TAFA1: variants seen among roughly 807,000 people sequenced by gnomAD.
The protein encoded by TAFA1 is chemokine-like protein TAFA-1.
In TAFA1, 4 loss-of-function variants were observed where a neutral mutation model predicts 18.5. The observed-to-expected ratio is 0.22, with a 90% CI of 0.11 to 0.49. TAFA1 has a LOEUF of 0.49. TAFA1 is among the 20% of genes least tolerant of loss of function. The pLI, the probability that TAFA1 is intolerant of heterozygous loss-of-function variation, is 0.98. For synonymous variants in TAFA1, 56 were observed against 55.2 expected (o/e 1.01, Z -0.06); for missense variants, 147 against 169.0 (o/e 0.87, Z 0.72).
chr3:68,293,270 T>C (rs977233786), intron 2 of TAFA1, among the ~76,000 whole-genome samples: 1 of 152,212 alleles, frequency 6.6e-6, no homozygotes, highest in Non-Finnish European at 1.5e-5. Flanking sequence ...CATTCACCCA[T>C]GGACCTCAGA....
chr3:68,122,627 A>T (rs1158991816), intron 2 of TAFA1, among the ~76,000 whole-genome samples: 1 of 152,200 alleles, frequency 6.6e-6, no homozygotes, highest in Non-Finnish European at 1.5e-5. Context: ...TAAACCTAAT[A>T]GTCTGTCATT....
chr3:68,261,338 C>A (rs372655829), intron 2 of TAFA1, among the ~76,000 whole-genome samples: 6 of 152,212 alleles, frequency 3.9e-5, no homozygotes, highest in Admixed American at 6.5e-5. Flanking sequence ...TAGTTCAACC[C>A]TTGTGGAAGT....
intron 2 of TAFA1, among the ~76,000 whole-genome samples, chr3:68,321,394 C>T (rs1257341824): frequency 6.6e-6 from 1 of 152,116 alleles, no homozygotes; most frequent in Non-Finnish European, 1.5e-5. Flanking sequence ...TGGCCATCTC[C>T]TCTGGGGTGT....
intron 3 of TAFA1, among the ~76,000 whole-genome samples, chr3:68,423,183 A>G (rs1029327652): frequency 6.6e-6 from 1 of 152,098 alleles, no homozygotes; most frequent in African/African-American, 2.4e-5. Context: ...TAATACCAGT[A>G]ATAATAATAA....
At chr3:68,093,373 A>C (rs922403543) in intron 2 of TAFA1, among the ~76,000 whole-genome samples, 1 of 152,108 alleles carries the variant, frequency 6.6e-6, no homozygotes, top group Non-Finnish European at 1.5e-5. Flanking sequence ...TGATGATGTT[A>C]AACTAGTTTC....
At chr3:68,268,853 T>A (rs1379742228) in intron 2 of TAFA1, among the ~76,000 whole-genome samples, 1 of 152,138 alleles carries the variant, frequency 6.6e-6, no homozygotes. Flanking sequence ...ACTTTCAGAG[T>A]GGCTGACACA....
chr3:68,066,568 A>G (rs559281328), intron 2 of TAFA1, among the ~76,000 whole-genome samples: 121 of 152,346 alleles, frequency 7.9e-4, no homozygotes, highest in Non-Finnish European at 1.5e-3. Flanking sequence ...TTCAGGTTGC[A>G]AAGAACTGAG....
intron 3 of TAFA1, among the ~76,000 whole-genome samples, chr3:68,435,510 A>T (rs17047730): frequency 1.3e-5 from 2 of 152,172 alleles, no homozygotes; most frequent in Non-Finnish European, 2.9e-5. Context: ...TTCTAGTATA[A>T]TTGCTATTCA....
chr3:68,021,757 G>T (rs1559705509), intron 2 of TAFA1, among the ~76,000 whole-genome samples: 1 of 152,112 alleles, frequency 6.6e-6, no homozygotes, highest in Non-Finnish European at 1.5e-5. Flanking sequence ...AAGACTCCAG[G>T]GAATGTGAGC....
intron 2 of TAFA1, among the ~76,000 whole-genome samples, chr3:68,119,426 G>T (rs9832612): frequency 0.02 from 3,060 of 151,790 alleles, 98 homozygotes; most frequent in African/African-American, 0.07. Context: ...TGTTGCTTGT[G>T]CTCTTGGTGT....
intron 2 of TAFA1, among the ~76,000 whole-genome samples, chr3:68,362,734 G>A (rs1027130099): frequency 6.6e-6 from 1 of 152,142 alleles, no homozygotes; most frequent in Middle Eastern, 3.4e-3. Context: ...GTTTTAGAAG[G>A]CAGAACCAAA....
intron 2 of TAFA1, among the ~76,000 whole-genome samples, chr3:68,415,312 C>A (rs1344136820): frequency 6.6e-6 from 1 of 152,206 alleles, no homozygotes; most frequent in African/African-American, 2.4e-5. Context: ...AAGTGACAAC[C>A]TTGACCCCAG....
rs1253476756 is a variant in TAFA1, at chr3:68,004,554, CATTT to C, written c.-151_-148del. 1 of 80,328 alleles carries C rather than the reference CATTT, an allele frequency of 1.2e-5. No homozygotes were observed. The highest frequency in any genetic ancestry group is 6.2e-4 in the South Asian group (1 of 1,610). The allele number at this position is 80,328 out of a possible 1,614,324, so 5.0% of individuals were successfully genotyped here. A position where few individuals can be genotyped will look rare whatever the true frequency, so the allele number is the denominator to read the frequency against. ...TGGAAATAGGATCGGAAGAGAGTAA[CATTT>C]TTTTTTTTTTAATCCTGATAAAGAA... On this transcript the variant is annotated 5_prime_UTR_variant, in exon 1 of 5. Transcript: ENST00000478136.
chr3:68,536,474 G>A (rs568261977), intron 3 of TAFA1, among the ~76,000 whole-genome samples: 1 of 152,138 alleles, frequency 6.6e-6, no homozygotes, highest in South Asian at 2.1e-4. Flanking sequence ...AAAGAACGAG[G>A]GTTCTCGTCC....
chr3:68,520,061 C>T (rs1368752858), intron 3 of TAFA1, among the ~76,000 whole-genome samples: 1 of 152,108 alleles, frequency 6.6e-6, no homozygotes, highest in African/African-American at 2.4e-5. Flanking sequence ...AACAGTTTGC[C>T]TATACTCAGA....
chr3:68,488,281 A>G (rs1402233892), intron 3 of TAFA1, among the ~76,000 whole-genome samples: 1 of 152,208 alleles, frequency 6.6e-6, no homozygotes, highest in Admixed American at 6.5e-5. Flanking sequence ...CATGGGAGAA[A>G]GACGTAGGCC....
intron 2 of TAFA1, among the ~76,000 whole-genome samples, chr3:68,231,656 G>A (rs1575694466): frequency 2.0e-5 from 3 of 152,062 alleles, no homozygotes; most frequent in South Asian, 4.1e-4. Flanking sequence ...CACCGCGCCC[G>A]GCCAATCTAT....
chr3:68,313,256 C>T (rs557990029), intron 2 of TAFA1, among the ~76,000 whole-genome samples: 9 of 152,292 alleles, frequency 5.9e-5, no homozygotes, highest in African/African-American at 2.2e-4. Flanking sequence ...TAAACAATTA[C>T]ATTTGAAAGC....
chr3:68,069,380 A>G (rs1021279652), intron 2 of TAFA1, among the ~76,000 whole-genome samples: 1 of 152,178 alleles, frequency 6.6e-6, no homozygotes, highest in Non-Finnish European at 1.5e-5. Flanking sequence ...AGATTTCGTG[A>G]GACTTATTTA....
Sources: gnomAD v4.1 joint callset for allele counts (sites outside exome capture counted in the v4.1 genomes callset) on GRCh38, gnomAD v4.1.1 for gene constraint, MANE v1.5 for transcripts, NCBI Gene and HGNC (gene_info 2026-07-23, HGNC 2026-07-21) for gene names.